PCLAF: variants seen among roughly 807,000 people sequenced by gnomAD.
PCLAF encodes the protein PCNA clamp associated factor, also known as PCNA-associated factor.
Under a neutral mutation model 15.1 loss-of-function variants are expected in PCLAF, and 12 were observed. The observed-to-expected ratio is 0.79, with a 90% CI of 0.51 to 1.29. The LOEUF (loss-of-function observed/expected upper bound fraction) is 1.29. Among genes scored for constraint, PCLAF ranks in the 50% most tolerant of loss-of-function variants. The probability of loss-of-function intolerance (pLI) is 0.00; values close to 1 mark genes in which losing one functional copy is unlikely to be tolerated. For missense variants in PCLAF, 116 were observed against 130.9 expected, an observed-to-expected ratio of 0.89 and a Z score of 0.56; for synonymous variants, 33 against 47.1, an observed-to-expected ratio of 0.70 and a Z score of 1.22.
chr15:64,369,008 G>T (rs1360406994), intron 3 of PCLAF, among the ~76,000 whole-genome samples: 1 of 152,062 alleles, frequency 6.6e-6, no homozygotes, highest in African/African-American at 2.4e-5. Context: ...CAATGACAGA[G>T]AACTAAAAGA....
At chr15:64,380,749 G>A (rs865966860) in intron 2 of PCLAF, among the ~76,000 whole-genome samples, 5 of 151,996 alleles carry the variant, frequency 3.3e-5, no homozygotes, top group African/African-American at 1.2e-4. Context: ...AAGGTGTGTC[G>A]GTCCTTAACT....
At position 64,365,907 on chromosome 15, in the gene PCLAF, C is replaced by T; in HGVS notation, c.*123G>A. The T allele has an allele frequency of 2.6e-6, 2 of 784,178 alleles. No homozygotes were observed. The highest frequency in any genetic ancestry group is 2.9e-5 in the Admixed American group (1 of 34,962). The allele number at this position is 784,178 out of a possible 1,614,324, so 48.6% of individuals were successfully genotyped here. A position where few individuals can be genotyped will look rare whatever the true frequency, so the allele number is the denominator to read the frequency against. ...TACTTTTGAACATCTAAATTTAAACCTAAATTTTTTAATTAAATGCCTGTT... is the reference window on the plus strand; with the variant it reads ...TACTTTTGAACATCTAAATTTAAACTTAAATTTTTTAATTAAATGCCTGTT... On this transcript the variant is annotated 3_prime_UTR_variant, in exon 4 of 4. Coordinates refer to ENST00000300035, the MANE Select transcript of PCLAF (RefSeq NM_014736.6).
Position 64,365,852 on chromosome 15 carries a change from T to C in PCLAF, c.*178A>G. ...TGAATACTAAGCTAAGTTACCATAATTAGTCTTACAAATTCTCAAATTTCA... is the reference window on the plus strand; with the variant it reads ...TGAATACTAAGCTAAGTTACCATAACTAGTCTTACAAATTCTCAAATTTCA... On this transcript the variant is annotated 3_prime_UTR_variant, in exon 4 of 4. Coordinates refer to ENST00000300035, the MANE Select transcript of PCLAF (RefSeq NM_014736.6). 1.6e-6 allele frequency: 1 copy of C among 614,480 alleles called. No individual in the cohort carries two copies. Among genetic ancestry groups the C allele is most frequent in the Middle Eastern group, 4.3e-4 (1 of 2,308 alleles). 38.1% of individuals were successfully genotyped at this position (614,480 alleles called of 1,614,324 possible). A position where few individuals can be genotyped will look rare whatever the true frequency, so the allele number is the denominator to read the frequency against.
Position 64,367,359 on chromosome 15 carries a change from C to T in PCLAF, c.291-1284G>A, listed in dbSNP as rs555554629. 2.6e-3 allele frequency among the ~76,000 whole-genome samples: 399 copies of T among 150,724 alleles called. 3 individuals carry two copies. Among genetic ancestry groups the T allele is most frequent in the Admixed American group, 4.6e-3 (70 of 15,172 alleles). On this transcript the variant is annotated intron_variant, in intron 3 of 3. Coordinates refer to ENST00000300035, the MANE Select transcript of PCLAF (RefSeq NM_014736.6). ...CTCTACTAAAAATACAAAAATTAGC[C>T]GGGCATGGTAGCAGGTGCCTGTAAT...
intron 2 of PCLAF, among the ~76,000 whole-genome samples, chr15:64,377,950 A>C (rs1327855673): frequency 7.2e-6 from 1 of 139,306 alleles, no homozygotes; most frequent in Non-Finnish European, 1.6e-5. Context: ...TTTGGGGGGG[A>C]GACAGAGTCT....
intron 1 of PCLAF, 41 bp downstream of exon 1, chr15:64,381,284 GA>G: frequency 6.2e-7 from 1 of 1,611,286 alleles, no homozygotes; most frequent in Non-Finnish European, 8.5e-7. Context: ...AGGCTGCCGG[GA>G]GGACCCCCCC....
chr15:64,385,418 G>C (rs1425805772), upstream of PCLAF, among the ~76,000 whole-genome samples: 1 of 152,012 alleles, frequency 6.6e-6, no homozygotes, highest in African/African-American at 2.4e-5. Flanking sequence ...CTAAAGTCGG[G>C]AGTTTGAGAC....
chr15:64,383,369 G>T (rs1326766018), upstream of PCLAF, among the ~76,000 whole-genome samples: 1 of 148,494 alleles, frequency 6.7e-6, no homozygotes, highest in Non-Finnish European at 1.5e-5. Context: ...TTTTGTGTGT[G>T]TGTTTTTTTT....
intron 3 of PCLAF, among the ~76,000 whole-genome samples, chr15:64,375,891 T>TC (rs1369256942): frequency 6.6e-6 from 1 of 152,162 alleles, no homozygotes; most frequent in Non-Finnish European, 1.5e-5. Flanking sequence ...TGATCCTCTT[T>TC]GAGAGATTGG....
At chr15:64,386,736 G>A (rs1035056625) in intron 1 of PCLAF, among the ~76,000 whole-genome samples, 3 of 152,008 alleles carry the variant, frequency 2.0e-5, no homozygotes, top group Non-Finnish European at 2.9e-5. Context: ...CACTGCGCCC[G>A]GCCAATACAC....
At chr15:64,381,593 C>T (rs1899825052), upstream of PCLAF, 2 of 1,340,322 alleles carry the variant, frequency 1.5e-6, no homozygotes, top group East Asian at 2.6e-5. Flanking sequence ...TCTTGCAGCG[C>T]GAATCCGTCC....
chr15:64,377,492 T>A (rs1436893715), intron 2 of PCLAF, among the ~76,000 whole-genome samples: 5,059 of 10,570 alleles, frequency 0.48, 969 homozygotes, highest in Middle Eastern at 0.6. Context: ...AAAAAAAATA[T>A]ATATATATAT....
chr15:64,376,267 A>G (rs774745086), intron 3 of PCLAF, among the ~76,000 whole-genome samples: 8 of 152,168 alleles, frequency 5.3e-5, no homozygotes, highest in Non-Finnish European at 1.2e-4. Context: ...AGTTATAATA[A>G]GAAATTAGAA....
At chr15:64,374,654 A>C (rs1417374251) in intron 3 of PCLAF, among the ~76,000 whole-genome samples, 1 of 152,180 alleles carries the variant, frequency 6.6e-6, no homozygotes, top group Non-Finnish European at 1.5e-5. Context: ...AGACCGGCCT[A>C]GGCAACGTGG....
upstream of PCLAF, chr15:64,382,858 G>A (rs553880956): frequency 4.3e-4 from 118 of 271,884 alleles, no homozygotes; most frequent in South Asian, 3.6e-3. Flanking sequence ...TGGGAGTGGC[G>A]GCATGTGCCT....
rs551948117 is a variant in PCLAF, at chr15:64,370,163, C to G, written c.291-4088G>C. On this transcript the variant is annotated intron_variant, in intron 3 of 3. Coordinates refer to ENST00000300035, the MANE Select transcript of PCLAF (RefSeq NM_014736.6). Reference sequence around the variant, plus strand: ...GCACAATCATAACTCACTGCAGCCTCGAATGCCTGGGCTCAAGCGACTCCC... The same window carrying G: ...GCACAATCATAACTCACTGCAGCCTGGAATGCCTGGGCTCAAGCGACTCCC... Among the ~76,000 whole-genome samples, 22 of 150,556 alleles carry G rather than the reference C, an allele frequency of 1.5e-4. 1 individual carries two copies. The South Asian group carries it at 4.6e-3, about 32-fold the overall frequency.
At position 64,381,359 on chromosome 15, in the gene PCLAF, T is replaced by C; in HGVS notation, c.13A>G (p.Lys5Glu). 5 of 1,614,166 alleles carry C rather than the reference T, an allele frequency of 3.1e-6. No homozygotes were observed. Among genetic ancestry groups the C allele is most frequent in the Non-Finnish European group, 4.2e-6 (5 of 1,180,022 alleles). MVRT[K>E]ADSVPGTYRK... ...TAAGTGCCTGGAACACTGTCTGCTTTAGTCCGCACCATGTTCAAACAAGAA... is the reference window on the plus strand; with the variant it reads ...TAAGTGCCTGGAACACTGTCTGCTTCAGTCCGCACCATGTTCAAACAAGAA... Residue 5 changes from lysine to glutamate, a missense_variant, in exon 1 of 4, where the codon AAA becomes GAA. Physicochemically the swap from Lys to Glu is moderately conservative, Grantham distance 56. Transcript: ENST00000300035.
chr15:64,376,967 CAACTT>C, intron 2 of PCLAF, 62 bp from the exon 3 acceptor site: 1 of 1,287,190 alleles, frequency 7.8e-7, no homozygotes. Flanking sequence ...ATTCCTTAAA[CAACTT>C]AATTCCTTCT....
rs939323341 is a variant in PCLAF, at chr15:64,373,897, C to A, written c.290+2846G>T. 1.5e-4 allele frequency: 111 copies of A among 748,906 alleles called. 1 individual carries two copies. Among genetic ancestry groups the A allele is most frequent in the Non-Finnish European group, 2.1e-5 (11 of 523,506 alleles). The allele number at this position is 748,906 out of a possible 1,614,324, so 46.4% of individuals were successfully genotyped here. ...CAAAACATTTAAGTTGCTTAGAAAG[C>A]CTGGACCTTATTAATTACAAATCTA... On this transcript the variant is annotated intron_variant, in intron 3 of 3. Transcript: ENST00000300035.
Sources: gnomAD v4.1 joint callset for allele counts (sites outside exome capture counted in the v4.1 genomes callset) on GRCh38, gnomAD v4.1.1 for gene constraint, MANE v1.5 for transcripts, NCBI Gene and HGNC (gene_info 2026-07-23, HGNC 2026-07-21) for gene names.